ZNRF1: variants seen among roughly 807,000 people sequenced by gnomAD.
ZNRF1 encodes E3 ubiquitin-protein ligase ZNRF1.
A neutral mutation model predicts 18.4 loss-of-function variants in ZNRF1; 3 were observed. The observed-to-expected ratio is 0.16, with a 90% CI of 0.07 to 0.42. ZNRF1 has a LOEUF of 0.42. Ranked by LOEUF, ZNRF1 falls within the 10% of genes least tolerant of loss-of-function variation. The pLI, the probability that ZNRF1 is intolerant of heterozygous loss-of-function variation, is 0.99. For missense variants in ZNRF1, 310 were observed against 329.8 expected (o/e 0.94, Z 0.47); for synonymous variants, 157 against 144.2 (o/e 1.09, Z -0.64).
At chr16:75,043,020 T>C (rs1652575543) in intron 1 of ZNRF1, among the ~76,000 whole-genome samples, 1 of 152,196 alleles carries the variant, frequency 6.6e-6, no homozygotes, top group African/African-American at 2.4e-5. Context: ...ATACTTGGTG[T>C]CATCCCACCT....
intron 2 of ZNRF1, chr16:75,095,491 C>T: frequency 8.0e-7 from 1 of 1,252,440 alleles, no homozygotes; most frequent in Non-Finnish European, 1.1e-6. Flanking sequence ...GCCATGGCCT[C>T]AAAAACCCTA....
At chr16:75,070,106 A>C (rs1490540639) in intron 1 of ZNRF1, among the ~76,000 whole-genome samples, 1 of 152,162 alleles carries the variant, frequency 6.6e-6, no homozygotes, top group Non-Finnish European at 1.5e-5. Context: ...TGCCAAAAAA[A>C]CTCAGTAATC....
chr16:75,051,578 C>T (rs1299792951), intron 1 of ZNRF1, among the ~76,000 whole-genome samples: 1 of 151,450 alleles, frequency 6.6e-6, no homozygotes, highest in Non-Finnish European at 1.5e-5. Context: ...AGTGCAGTGG[C>T]ATGATCTCGG....
chr16:75,088,610 G>A (rs2036101483), intron 1 of ZNRF1, among the ~76,000 whole-genome samples: 2 of 152,198 alleles, frequency 1.3e-5, no homozygotes, highest in Non-Finnish European at 2.9e-5. Context: ...TAGTCAGTCA[G>A]TAGCACAGCA....
At chr16:75,054,021 A>G (rs902012754) in intron 1 of ZNRF1, among the ~76,000 whole-genome samples, 52 of 152,378 alleles carry the variant, frequency 3.4e-4, no homozygotes, top group African/African-American at 1.2e-3. Flanking sequence ...TTCAGGGAAT[A>G]GGACTGATGC....
chr16:75,046,305 G>T (rs2035514365), intron 1 of ZNRF1, among the ~76,000 whole-genome samples: 1 of 147,108 alleles, frequency 6.8e-6, no homozygotes, highest in African/African-American at 2.5e-5. Flanking sequence ...AGGCTGAAGT[G>T]CAGTGGCACG....
intron 1 of ZNRF1, among the ~76,000 whole-genome samples, chr16:75,044,481 C>T (rs2035488647): frequency 1.3e-5 from 2 of 152,054 alleles, no homozygotes; most frequent in African/African-American, 2.4e-5. Context: ...CCTGCCTCGG[C>T]CTCCAAAAGT....
intron 1 of ZNRF1, among the ~76,000 whole-genome samples, chr16:75,077,802 C>G (rs1323167184): frequency 6.6e-6 from 1 of 152,184 alleles, no homozygotes; most frequent in Non-Finnish European, 1.5e-5. Flanking sequence ...TTCCTTGGCT[C>G]ATGGTCCCTT....
At chr16:75,058,101 C>A (rs2035689735) in intron 1 of ZNRF1, among the ~76,000 whole-genome samples, 1 of 78,810 alleles carries the variant, frequency 1.3e-5, no homozygotes, top group African/African-American at 4.5e-5. Flanking sequence ...TTTTCCTTTC[C>A]TTTTCTTTTT....
chr16:75,076,299 C>G (rs2035940379), intron 1 of ZNRF1, among the ~76,000 whole-genome samples: 1 of 152,104 alleles, frequency 6.6e-6, no homozygotes, highest in South Asian at 2.1e-4. Context: ...ATGAATCTCC[C>G]TTAGAATGTG....
At chr16:75,081,304 C>T (rs77235425) in intron 1 of ZNRF1, among the ~76,000 whole-genome samples, 1 of 152,360 alleles carries the variant, frequency 6.6e-6, no homozygotes, top group African/African-American at 2.4e-5. Flanking sequence ...CTGCCAAGAG[C>T]GAAGCCTGAC....
At chr16:75,094,085 G>A (rs76051357) in intron 2 of ZNRF1, among the ~76,000 whole-genome samples, 136 of 152,320 alleles carry the variant, frequency 8.9e-4, no homozygotes, top group African/African-American at 3.2e-3. Flanking sequence ...GGAGGTGGGG[G>A]CTGTGTGCTG....
At chr16:75,086,901 A>G (rs1032036560) in intron 1 of ZNRF1, among the ~76,000 whole-genome samples, 3 of 151,688 alleles carry the variant, frequency 2.0e-5, no homozygotes, top group Non-Finnish European at 4.4e-5. Context: ...TCCCAGAGAC[A>G]GGCAGAACTG....
intron 1 of ZNRF1, among the ~76,000 whole-genome samples, chr16:75,065,481 G>A (rs2035791787): frequency 6.6e-6 from 1 of 152,182 alleles, no homozygotes; most frequent in African/African-American, 2.4e-5. Flanking sequence ...GGGATAATTA[G>A]GGTAGGGATT....
chr16:75,035,005 A>C (rs2145354905), intron 1 of ZNRF1, among the ~76,000 whole-genome samples: 1 of 152,230 alleles, frequency 6.6e-6, no homozygotes, highest in East Asian at 1.9e-4. Flanking sequence ...AAAATTTTTG[A>C]GGAACTGCCA....
chr16:75,026,252 T>C (rs541929750), intron 1 of ZNRF1, among the ~76,000 whole-genome samples: 3 of 152,162 alleles, frequency 2.0e-5, no homozygotes, highest in Admixed American at 2.0e-4. Context: ...CATTCTAAGG[T>C]TATTTATTTT....
chr16:75,052,074 C>A (rs947612783), intron 1 of ZNRF1, among the ~76,000 whole-genome samples: 1 of 152,114 alleles, frequency 6.6e-6, no homozygotes, highest in African/African-American at 2.4e-5. Context: ...TTGACAAGTA[C>A]ATGCATCAGC....
At chr16:75,080,078 G>C (rs916415868) in intron 1 of ZNRF1, among the ~76,000 whole-genome samples, 2 of 152,168 alleles carry the variant, frequency 1.3e-5, no homozygotes, top group Non-Finnish European at 1.5e-5. Flanking sequence ...ACCATGCCTG[G>C]CTAATTTTTG....
chr16:75,042,450 T>C (rs1461391965), intron 1 of ZNRF1, among the ~76,000 whole-genome samples: 2 of 149,568 alleles, frequency 1.3e-5, no homozygotes, highest in African/African-American at 2.4e-5. Context: ...TTTCTTTTTT[T>C]TTTTTTTTTT....
Sources: allele counts gnomAD v4.1 joint callset (sites outside exome capture counted in the v4.1 genomes callset), GRCh38; gene constraint gnomAD v4.1.1; transcripts MANE v1.5; gene names NCBI Gene and HGNC (gene_info 2026-07-23, HGNC 2026-07-21).